Variants in SLIT3 observed in about 807,000 individuals in gnomAD.
SLIT3 encodes the protein slit guidance ligand 3.
SLIT3 carries 68 observed loss-of-function variants against 184.0 expected under a neutral mutation model. The observed-to-expected ratio is 0.37, with a 90% CI of 0.30 to 0.45. SLIT3 has a LOEUF of 0.45. Among genes scored for constraint, SLIT3 ranks in the 20% least tolerant of loss-of-function variants. The pLI is 1.00. For missense variants in SLIT3, 1,707 were observed against 2,026.0 expected (o/e 0.84, Z 3.02); for synonymous variants, 831 against 828.6 (o/e 1.00, Z -0.05).
At chr5:169,032,920 TG>T (rs1757088170) in intron 4 of SLIT3, among the ~76,000 whole-genome samples, 1 of 131,504 alleles carries the variant, frequency 7.6e-6, no homozygotes. Flanking sequence ...CATTTTTCCT[TG>T]ATTTTTTTTT....
intron 1 of SLIT3, among the ~76,000 whole-genome samples, chr5:169,260,398 C>T (rs1257970763): frequency 1.3e-5 from 2 of 152,162 alleles, no homozygotes; most frequent in Non-Finnish European, 2.9e-5. Flanking sequence ...TTTTTCTCTT[C>T]CCTATGAGCT....
At chr5:169,208,586 T>C (rs1002151481) in intron 3 of SLIT3, among the ~76,000 whole-genome samples, 3 of 152,020 alleles carry the variant, frequency 2.0e-5, no homozygotes, top group Non-Finnish European at 4.4e-5. Context: ...CCAAAACAGA[T>C]ATATAGACCA....
chr5:168,889,730 T>C (rs540984137), intron 4 of SLIT3, among the ~76,000 whole-genome samples: 1 of 152,228 alleles, frequency 6.6e-6, no homozygotes, highest in Admixed American at 6.5e-5. Context: ...GAAGTTGAGA[T>C]AGAAAAGTGG....
At chr5:168,765,069 C>G (rs1489601728) in intron 14 of SLIT3, among the ~76,000 whole-genome samples, 1 of 152,188 alleles carries the variant, frequency 6.6e-6, no homozygotes, top group Non-Finnish European at 1.5e-5. Context: ...ATAATGGGAT[C>G]CTTGCAAAGC....
At chr5:168,991,746 G>C (rs911275396) in intron 4 of SLIT3, among the ~76,000 whole-genome samples, 1 of 152,226 alleles carries the variant, frequency 6.6e-6, no homozygotes, top group Non-Finnish European at 1.5e-5. Context: ...AGACTGGAGA[G>C]GAGAAAGTGC....
intron 1 of SLIT3, among the ~76,000 whole-genome samples, chr5:169,285,791 C>T (rs1216528854): frequency 6.6e-6 from 1 of 152,182 alleles, no homozygotes; most frequent in Non-Finnish European, 1.5e-5. Context: ...TCATCCCAGC[C>T]TAGGTGCCAG....
intron 4 of SLIT3, among the ~76,000 whole-genome samples, chr5:169,044,169 A>C (rs914012171): frequency 3.3e-5 from 5 of 152,222 alleles, no homozygotes; most frequent in Admixed American, 3.3e-4. Context: ...GACCAACTGA[A>C]ACATGCATAC....
intron 4 of SLIT3, among the ~76,000 whole-genome samples, chr5:169,174,847 A>G (rs1290143072): frequency 6.6e-6 from 1 of 152,164 alleles, no homozygotes; most frequent in Non-Finnish European, 1.5e-5. Flanking sequence ...TCTTTATCCC[A>G]TGGAGCTGAA....
At chr5:168,958,548 GA>G (rs1322286441) in intron 4 of SLIT3, among the ~76,000 whole-genome samples, 5 of 152,172 alleles carry the variant, frequency 3.3e-5, no homozygotes, top group Non-Finnish European at 7.3e-5. Context: ...ACTATCAAGT[GA>G]AAACCTGGTG....
intron 4 of SLIT3, among the ~76,000 whole-genome samples, chr5:169,098,157 A>G (rs1581407238): frequency 6.6e-6 from 1 of 151,938 alleles, no homozygotes; most frequent in Non-Finnish European, 1.5e-5. Context: ...CTTCTCACAC[A>G]TGGGGTTTCA....
At position 169,267,591 on chromosome 5, in the gene SLIT3, T is replaced by C. The variant is rs539201487; in HGVS notation, c.198-16132A>G. ...AGTAAATCTGGGTATCAGTTAGAATTGGAATGACCATATGATTATCCAAAC... is the reference window on the plus strand; with the variant it reads ...AGTAAATCTGGGTATCAGTTAGAATCGGAATGACCATATGATTATCCAAAC... On this transcript the variant is annotated intron_variant, in intron 1 of 35. Coordinates refer to ENST00000519560, the MANE Select transcript of SLIT3 (RefSeq NM_003062.4). Among the ~76,000 whole-genome samples the C allele has an allele frequency of 1.6e-4, 25 of 152,354 alleles. No individual in the cohort carries two copies. The South Asian group carries it at 4.8e-3, about 29-fold the overall frequency.
chr5:168,775,194 C>T (rs570464959), intron 12 of SLIT3, among the ~76,000 whole-genome samples: 11 of 152,162 alleles, frequency 7.2e-5, no homozygotes, highest in Admixed American at 2.0e-4. Flanking sequence ...TGCACCACCA[C>T]GCCCAGCTAA....
chr5:168,795,222 G>A (rs1756525024), intron 10 of SLIT3, among the ~76,000 whole-genome samples: 1 of 152,194 alleles, frequency 6.6e-6, no homozygotes, highest in Non-Finnish European at 1.5e-5. Context: ...ATGGTGAAAT[G>A]GATTTTCCAG....
At chr5:169,052,778 C>T (rs1304183221) in intron 4 of SLIT3, among the ~76,000 whole-genome samples, 1 of 152,186 alleles carries the variant, frequency 6.6e-6, no homozygotes, top group African/African-American at 2.4e-5. Context: ...CTCCACGCTA[C>T]CCAAGCTACC....
At chr5:168,933,404 T>C (rs1762057170) in intron 4 of SLIT3, among the ~76,000 whole-genome samples, 1 of 152,170 alleles carries the variant, frequency 6.6e-6, no homozygotes, top group South Asian at 2.1e-4. Flanking sequence ...TAGTGGGGCA[T>C]GGTGGTATGC....
At chr5:169,182,399 T>C (rs903711734) in intron 4 of SLIT3, among the ~76,000 whole-genome samples, 5 of 152,234 alleles carry the variant, frequency 3.3e-5, no homozygotes, top group African/African-American at 1.2e-4. Flanking sequence ...CTCAACCTCC[T>C]GGACTTTGTA....
At chr5:168,961,105 T>C (rs542156535) in intron 4 of SLIT3, among the ~76,000 whole-genome samples, 1 of 152,302 alleles carries the variant, frequency 6.6e-6, no homozygotes, top group Admixed American at 6.5e-5. Flanking sequence ...CCAGAAGGCA[T>C]GGCCATTCCT....
At chr5:168,877,715 A>G (rs896217175) in intron 5 of SLIT3, among the ~76,000 whole-genome samples, 1 of 152,200 alleles carries the variant, frequency 6.6e-6, no homozygotes, top group Non-Finnish European at 1.5e-5. Flanking sequence ...TTTGTTTTCA[A>G]AGCGTCAATT....
chr5:169,103,084 T>C (rs192898835), intron 4 of SLIT3, among the ~76,000 whole-genome samples: 2 of 152,366 alleles, frequency 1.3e-5, no homozygotes, highest in East Asian at 3.9e-4. Flanking sequence ...CATGGTATTG[T>C]ACATGCATTA....
Sources: allele counts gnomAD v4.1 joint callset (sites outside exome capture counted in the v4.1 genomes callset), GRCh38; gene constraint gnomAD v4.1.1; transcripts MANE v1.5; gene names NCBI Gene and HGNC (gene_info 2026-07-23, HGNC 2026-07-21).